Variants in AGAP1 observed in about 807,000 individuals in gnomAD.
The protein encoded by AGAP1 is ArfGAP with GTPase domain, ankyrin repeat and PH domain 1, also known as arf-GAP with GTPase, ANK repeat and PH domain-containing protein 1.
Under a neutral mutation model 105.3 loss-of-function variants are expected in AGAP1, and 29 were observed. The ratio of observed to expected loss-of-function variants is 0.28; its 90% CI spans 0.21 to 0.38. AGAP1 has a LOEUF of 0.38. Ranked by LOEUF, AGAP1 falls within the 10% of genes least tolerant of loss-of-function variation. The probability of loss-of-function intolerance (pLI) is 1.00; values close to 1 mark genes in which losing one functional copy is unlikely to be tolerated. For synonymous variants in AGAP1, 509 were observed against 485.9 expected, an observed-to-expected ratio of 1.05 and a Z score of -0.63; for missense variants, 998 against 1,165.1, an observed-to-expected ratio of 0.86 and a Z score of 2.09.
chr2:235,540,956 TAAAC>T (rs1169003160), intron 1 of AGAP1, among the ~76,000 whole-genome samples: 3 of 152,216 alleles, frequency 2.0e-5, no homozygotes, highest in Non-Finnish European at 4.4e-5. Flanking sequence ...TTCAGTTGCT[TAAAC>T]AAAGTCTGGG....
intron 6 of AGAP1, among the ~76,000 whole-genome samples, chr2:235,790,534 G>A (rs1326852464): frequency 6.6e-6 from 1 of 152,026 alleles, no homozygotes; most frequent in African/African-American, 2.4e-5. Context: ...ACCACCCCAG[G>A]TATCTTTCCA....
chr2:235,708,338 A>G (rs1950655861), intron 1 of AGAP1, among the ~76,000 whole-genome samples: 1 of 152,180 alleles, frequency 6.6e-6, no homozygotes, highest in Admixed American at 6.5e-5. Context: ...AATGATGACT[A>G]CTATCATGGG....
At chr2:236,048,627 G>A (rs1202708992) in intron 15 of AGAP1, among the ~76,000 whole-genome samples, 2 of 152,170 alleles carry the variant, frequency 1.3e-5, no homozygotes, top group Non-Finnish European at 2.9e-5. Context: ...ATGAAGGAAT[G>A]ACCAGAGTCA....
rs2059909286 is a variant in AGAP1 at position 236,121,897 on chromosome 2, T to G, written c.2370+1450T>G. On this transcript the variant is annotated intron_variant, in intron 17 of 17. Transcript: ENST00000304032. The surrounding 1 kb of genome is among the most constrained non-coding windows in gnomAD (Gnocchi z 4.9). Reference sequence around the variant, plus strand: ...GGCTGGTAGACGGCCGCCCTCTCCCTATGTTCTCACAGGGCCTTTCCTCTG... The same window carrying G: ...GGCTGGTAGACGGCCGCCCTCTCCCGATGTTCTCACAGGGCCTTTCCTCTG... Among the ~76,000 whole-genome samples, 1 of 152,172 alleles carries G rather than the reference T, an allele frequency of 6.6e-6. No individual in the cohort carries two copies. Among genetic ancestry groups the G allele is most frequent in the Non-Finnish European group, 1.5e-5 (1 of 68,032 alleles).
intron 1 of AGAP1, among the ~76,000 whole-genome samples, chr2:235,680,491 T>C (rs920093947): frequency 6.6e-6 from 1 of 152,082 alleles, no homozygotes; most frequent in East Asian, 1.9e-4. Flanking sequence ...CCCCCATCTC[T>C]GTTCTGTGGC....
rs2056121949 is a variant in AGAP1 at position 236,001,555 on chromosome 2, G to A, written c.1645+32932G>A. 6.6e-6 allele frequency among the ~76,000 whole-genome samples: 1 copy of A among 152,172 alleles called. No individual in the cohort carries two copies. Among genetic ancestry groups the A allele is most frequent in the Admixed American group, 6.5e-5 (1 of 15,286 alleles). ...CGCCACAGGAGGAGAGACACAGACT[G>A]TGGCTTGCAAGCAGAGCTGGCAGGA... On this transcript the variant is annotated intron_variant, in intron 13 of 17. Coordinates refer to ENST00000304032, the MANE Select transcript of AGAP1 (RefSeq NM_001037131.3). The surrounding 1 kb of genome is among the most constrained non-coding windows in gnomAD (Gnocchi z 4.7).
intron 13 of AGAP1, among the ~76,000 whole-genome samples, chr2:236,028,914 T>G (rs1303573538): frequency 1.3e-5 from 2 of 152,230 alleles, no homozygotes; most frequent in Non-Finnish European, 1.5e-5. Flanking sequence ...GGAGTTTTAA[T>G]CATGCTTCTT....
chr2:235,791,090 A>T (rs552616969), intron 6 of AGAP1, among the ~76,000 whole-genome samples: 1 of 152,236 alleles, frequency 6.6e-6, no homozygotes, highest in African/African-American at 2.4e-5. Flanking sequence ...ATGAAAACAC[A>T]TTTAGGAGAT....
chr2:236,126,696 C>T lies in AGAP1; in HGVS notation c.*2574C>T, dbSNP rs2060008842. On this transcript the variant is annotated 3_prime_UTR_variant, in exon 18 of 18. Transcript: ENST00000304032. ...CCATTCTCAGTGATGTCCATCTGCT[C>T]CACTCCGCAGCCACTTTCTAGGGCC... is the stretch of plus-strand genomic sequence containing the variant. 1 of 152,142 alleles carries T rather than the reference C, an allele frequency of 6.6e-6. No homozygotes were observed. Among genetic ancestry groups the T allele is most frequent in the African/African-American group, 2.4e-5 (1 of 41,424 alleles). The allele number at this position is 152,142 out of a possible 1,614,324, so 9.4% of individuals were successfully genotyped here. A position where few individuals can be genotyped will look rare whatever the true frequency, so the allele number is the denominator to read the frequency against.
rs894267835 is a variant in AGAP1, at chr2:235,801,670, C to A, written c.957+2148C>A. ...ACTCGGTGGCTTGAGAAACCAATAGCCAAAGATGCAGCTGGATTGAGAGAA... is the reference window on the plus strand; with the variant it reads ...ACTCGGTGGCTTGAGAAACCAATAGACAAAGATGCAGCTGGATTGAGAGAA... On this transcript the variant is annotated intron_variant, in intron 8 of 17. Transcript: ENST00000304032. The surrounding 1 kb of genome is among the most constrained non-coding windows in gnomAD (Gnocchi z 6.0). Among the ~76,000 whole-genome samples the A allele has an allele frequency of 6.6e-6, 1 of 152,062 alleles. No homozygotes were observed. The highest frequency in any genetic ancestry group is 2.4e-5 in the African/African-American group (1 of 41,396).
intron 16 of AGAP1, among the ~76,000 whole-genome samples, chr2:236,102,835 A>G (rs1462680854): frequency 1.3e-5 from 2 of 152,172 alleles, no homozygotes; most frequent in Non-Finnish European, 2.9e-5. Context: ...AAATAAAAAT[A>G]TGTCCGGCTG....
Position 235,750,537 on chromosome 2 carries a change from G to A in AGAP1, c.673+49G>A. On this transcript the variant is annotated intron_variant, in intron 6 of 17. Transcript: ENST00000304032. This position sits in a 1 kb window ranked among gnomAD's most constrained non-coding sequence, Gnocchi z 5.3. Reference sequence around the variant, plus strand: ...TAATTTCAGTTCATGATAGACGGGAGGCACTTCAAGAAGTCAGTCCTGCCT... The same window carrying A: ...TAATTTCAGTTCATGATAGACGGGAAGCACTTCAAGAAGTCAGTCCTGCCT... The A allele has an allele frequency of 6.2e-7, 1 of 1,610,140 alleles. No individual in the cohort carries two copies. The highest frequency in any genetic ancestry group is 8.5e-7 in the Non-Finnish European group (1 of 1,177,014).
rs115965975 is a variant in AGAP1, at chr2:235,657,898, G to A, written c.164-51281G>A. On this transcript the variant is annotated intron_variant, in intron 1 of 17. Coordinates refer to ENST00000304032, the MANE Select transcript of AGAP1 (RefSeq NM_001037131.3). The stretch of plus-strand genomic sequence containing the variant: ...CCTTATAAGAAGAGGAGATTAAGAC[G>A]CAGACACACAGAGGAAAGACCATGT... Among the ~76,000 whole-genome samples the A allele has an allele frequency of 2.8e-3, 422 of 152,252 alleles. 4 individuals carry two copies. Among genetic ancestry groups the A allele is most frequent in the African/African-American group, 9.6e-3 (398 of 41,544 alleles).
chr2:235,744,869 GAAA>G lies in AGAP1; in HGVS notation c.538+31_538+33del, dbSNP rs1343475510. The stretch of plus-strand genomic sequence containing the variant: ...GTGATGTTCGTGTGCAGATTGTTTT[GAAA>G]GGGTTCTAACAGTTACATATTTTCA... On this transcript the variant is annotated intron_variant, in intron 5 of 17. Transcript: ENST00000304032. This position sits in a 1 kb window ranked among gnomAD's most constrained non-coding sequence, Gnocchi z 5.2. 1 of 1,613,164 alleles carries G rather than the reference GAAA, an allele frequency of 6.2e-7. No homozygotes were observed. The highest frequency in any genetic ancestry group is 8.5e-7 in the Non-Finnish European group (1 of 1,179,434).
In AGAP1 at chr2:235,936,150, A is replaced by G. The variant is rs945851782; in HGVS notation, c.1483+5227A>G. 1.3e-5 allele frequency among the ~76,000 whole-genome samples: 2 copies of G among 152,198 alleles called. No individual in the cohort carries two copies. Among genetic ancestry groups the G allele is most frequent in the South Asian group, 4.1e-4 (2 of 4,828 alleles). On this transcript the variant is annotated intron_variant, in intron 12 of 17. Transcript: ENST00000304032. The surrounding 1 kb of genome is among the most constrained non-coding windows in gnomAD (Gnocchi z 4.7). The stretch of plus-strand genomic sequence containing the variant: ...TTATCTTCTGCCACGCTGACTGGCC[A>G]TCACTGTTAATACTGCATTTCTTCA...
rs747983339 is a variant in AGAP1 at position 236,050,453 on chromosome 2, A to G, written c.2114+1172A>G. On this transcript the variant is annotated intron_variant, in intron 16 of 17. Transcript: ENST00000304032. The surrounding 1 kb of genome is among the most constrained non-coding windows in gnomAD (Gnocchi z 4.0). ...GCGACCTCTTTATGAGTTATGCTCT[A>G]TAGTGTAGACAGGGGTAAGTTTCTT... 6.6e-6 allele frequency among the ~76,000 whole-genome samples: 1 copy of G among 152,224 alleles called. No individual in the cohort carries two copies. Among genetic ancestry groups the G allele is most frequent in the Non-Finnish European group, 1.5e-5 (1 of 68,036 alleles).
intron 5 of AGAP1, among the ~76,000 whole-genome samples, chr2:235,745,688 A>G (rs911359127): frequency 2.0e-5 from 3 of 152,232 alleles, no homozygotes; most frequent in Non-Finnish European, 2.9e-5. Flanking sequence ...ATGCCCATCC[A>G]TGCTCTGATG....
intron 1 of AGAP1, among the ~76,000 whole-genome samples, chr2:235,525,005 A>G (rs2149059695): frequency 6.6e-6 from 1 of 152,366 alleles, no homozygotes; most frequent in African/African-American, 2.4e-5. Flanking sequence ...AGTCTGCAGA[A>G]TCTGAATGTC....
intron 10 of AGAP1, among the ~76,000 whole-genome samples, chr2:235,907,041 TAGAC>T (rs1463713704): frequency 1.3e-5 from 2 of 150,686 alleles, no homozygotes; most frequent in Admixed American, 1.3e-4. Context: ...AACAAAAAGG[TAGAC>T]AGCCCGTTTC....
Sources: gnomAD v4.1 joint callset for allele counts (sites outside exome capture counted in the v4.1 genomes callset) on GRCh38, gnomAD v4.1.1 for gene constraint, Gnocchi (gnomAD v3.1) non-coding constraint, MANE v1.5 for transcripts, NCBI Gene and HGNC (gene_info 2026-07-23, HGNC 2026-07-21) for gene names.